The following CEPT1 variants were observed in gnomAD, a reference collection of about 807,000 sequenced individuals.
CEPT1 encodes choline/ethanolaminephosphotransferase 1.
CEPT1 carries 7 observed loss-of-function variants against 42.6 expected under a neutral mutation model. That is an observed-to-expected ratio of 0.16 (90% CI 0.09 to 0.31). The LOEUF (loss-of-function observed/expected upper bound fraction) is 0.31, where lower values mean the gene tolerates loss of function less well. CEPT1 is among the 10% of genes least tolerant of loss of function. The probability of loss-of-function intolerance (pLI) is 1.00; values close to 1 mark genes in which losing one functional copy is unlikely to be tolerated. For synonymous variants in CEPT1, 171 were observed against 171.9 expected (o/e 0.99, Z 0.04); for missense variants, 306 against 502.1 (o/e 0.61, Z 3.73).
At chr1:111,155,689 C>T (rs1310047492) in intron 2 of CEPT1, among the ~76,000 whole-genome samples, 1 of 152,080 alleles carries the variant, frequency 6.6e-6, no homozygotes, top group East Asian at 1.9e-4. Context: ...CAGGCATGCG[C>T]CACCACACCC....
chr1:111,177,836 A>G (rs1656761921), intron 5 of CEPT1, among the ~76,000 whole-genome samples: 1 of 146,050 alleles, frequency 6.8e-6, no homozygotes, highest in Admixed American at 7.5e-5. Context: ...TTGCAACGGG[A>G]AAACAGATTC....
chr1:111,145,809 C>T (rs1463284060), intron 1 of CEPT1, among the ~76,000 whole-genome samples: 5 of 152,264 alleles, frequency 3.3e-5, no homozygotes, highest in East Asian at 3.8e-4. Flanking sequence ...CCTGGCTTCA[C>T]TGCATTCCAG....
intron 4 of CEPT1, among the ~76,000 whole-genome samples, chr1:111,162,058 C>G (rs1355975076): frequency 6.6e-6 from 1 of 152,142 alleles, no homozygotes; most frequent in Non-Finnish European, 1.5e-5. Context: ...TGATAAGATG[C>G]CTGCCTGTAG....
At chr1:111,184,120 C>T in intron 8 of CEPT1, 71 bp from the exon 9 acceptor site, 1 of 1,503,818 alleles carries the variant, frequency 6.6e-7, no homozygotes, top group Non-Finnish European at 9.1e-7. Context: ...GAACAGAGTC[C>T]AGTCCTCTTT....
chr1:111,159,190 C>T (rs1655743265), intron 2 of CEPT1, among the ~76,000 whole-genome samples, 190 bp from the exon 3 acceptor site: 1 of 150,034 alleles, frequency 6.7e-6, no homozygotes, highest in Non-Finnish European at 1.5e-5. Context: ...GCTGGGATTA[C>T]AGGCGTGAGC....
chr1:111,172,822 C>T (rs748192224), intron 4 of CEPT1, among the ~76,000 whole-genome samples: 27 of 152,182 alleles, frequency 1.8e-4, no homozygotes, highest in Non-Finnish European at 3.2e-4. Flanking sequence ...AAAAAATATT[C>T]TTAACTAACT....
intron 2 of CEPT1, among the ~76,000 whole-genome samples, chr1:111,154,022 G>C (rs1436146662): frequency 6.6e-6 from 1 of 151,844 alleles, no homozygotes; most frequent in Non-Finnish European, 1.5e-5. Flanking sequence ...GGATTGCATT[G>C]AATCTGTAGA....
intron 5 of CEPT1, among the ~76,000 whole-genome samples, chr1:111,176,680 A>G (rs1349452689): frequency 6.6e-6 from 1 of 152,196 alleles, no homozygotes; most frequent in Non-Finnish European, 1.5e-5. Flanking sequence ...TGGTATCTTG[A>G]GATACCAAGT....
intron 2 of CEPT1, among the ~76,000 whole-genome samples, chr1:111,152,668 G>C (rs1225636118): frequency 6.6e-6 from 1 of 152,182 alleles, no homozygotes; most frequent in Non-Finnish European, 1.5e-5. Flanking sequence ...TTTTGGGGGA[G>C]ATTGCATGAT....
intron 4 of CEPT1, among the ~76,000 whole-genome samples, chr1:111,171,841 T>G (rs1216487429): frequency 6.6e-6 from 1 of 152,162 alleles, no homozygotes; most frequent in Non-Finnish European, 1.5e-5. Context: ...CTGGTTCAAG[T>G]GATTCTCCCG....
intron 3 of CEPT1, 196 bp from the exon 4 acceptor site, chr1:111,160,953 TAAAAAA>T: frequency 1.1e-5 from 5 of 455,024 alleles, no homozygotes; most frequent in East Asian, 4.0e-5. Context: ...AGTGATTTGG[TAAAAAA>T]AAAAAAAAAA....
At chr1:111,179,225 A>G (rs1004004462) in intron 5 of CEPT1, 12 of 152,140 alleles carry the variant, frequency 7.9e-5, no homozygotes, top group African/African-American at 2.4e-4. Context: ...TTCTTTTTCT[A>G]TGTCTAACCT....
At chr1:111,151,205 A>G (rs1220412259) in intron 2 of CEPT1, among the ~76,000 whole-genome samples, 2 of 151,040 alleles carry the variant, frequency 1.3e-5, no homozygotes, top group Admixed American at 6.6e-5. Context: ...GTTCACTGCA[A>G]CCTCCACCTC....
In CEPT1 at chr1:111,184,384, G is replaced by C. The variant is rs1384056253; in HGVS notation, c.*74G>C. On this transcript the variant is annotated 3_prime_UTR_variant, in exon 9 of 9. Coordinates refer to ENST00000357172, the MANE Select transcript of CEPT1 (RefSeq NM_006090.5). Reference sequence around the variant, plus strand: ...TAACATATTAAGGAGAATGGGGGTGGATAAGAACAAATATAATTTATAATA... The same window carrying C: ...TAACATATTAAGGAGAATGGGGGTGCATAAGAACAAATATAATTTATAATA... 1 of 1,160,312 alleles carries C rather than the reference G, an allele frequency of 8.6e-7. No homozygotes were observed. Among genetic ancestry groups the C allele is most frequent in the African/African-American group, 1.6e-5 (1 of 64,082 alleles). The allele number at this position is 1,160,312 out of a possible 1,614,324, so 71.9% of individuals were successfully genotyped here. A position where few individuals can be genotyped will look rare whatever the true frequency, so the allele number is the denominator to read the frequency against.
In CEPT1 at chr1:111,183,517, C is replaced by T. The variant is rs374219627; in HGVS notation, c.1061C>T (p.Pro354Leu). The T allele has an allele frequency of 3.7e-6, 6 of 1,613,522 alleles. No homozygotes were observed. Among genetic ancestry groups the T allele is most frequent in the Non-Finnish European group, 4.2e-6 (5 of 1,179,548 alleles). ...TTGCATGACACAGCATTCATAGGTC[C>T]GGCACTTTTGTTTCTGGACCAGTAT... ...MHLHDTAFIG[P>L]ALLFLDQYFN... is the part of the protein sequence containing the mutation. Residue 354 changes from proline (P) to leucine (L), a missense_variant, in exon 8 of 9, where the codon CCG (proline) becomes CTG (leucine). Physicochemically the swap from Pro to Leu is moderately conservative, Grantham distance 98. This residue lies in a region of CEPT1 where 253 missense variants were observed against 447.3 expected (regional missense o/e 0.57). Coordinates refer to ENST00000357172, the MANE Select transcript of CEPT1 (RefSeq NM_006090.5).
At chr1:111,155,731 T>G (rs560878130) in intron 2 of CEPT1, among the ~76,000 whole-genome samples, 2 of 152,040 alleles carry the variant, frequency 1.3e-5, no homozygotes, top group African/African-American at 4.8e-5. Flanking sequence ...AGAGATGGGG[T>G]TTCATCACGT....
chr1:111,140,740 G>A (rs1251332038), intron 1 of CEPT1: 1 of 152,312 alleles, frequency 6.6e-6, no homozygotes, highest in East Asian at 1.9e-4. Flanking sequence ...CACACACCGT[G>A]TGGCATCCTC....
intron 5 of CEPT1, among the ~76,000 whole-genome samples, chr1:111,175,997 A>C (rs1656659305): frequency 6.6e-6 from 1 of 152,228 alleles, no homozygotes; most frequent in South Asian, 2.1e-4. Flanking sequence ...TCCCTTACCT[A>C]ACTCACTTTA....
At chr1:111,173,934 T>C (rs2101373827) in intron 4 of CEPT1, among the ~76,000 whole-genome samples, 1 of 152,270 alleles carries the variant, frequency 6.6e-6, no homozygotes, top group Non-Finnish European at 1.5e-5. Context: ...ATAATTTATA[T>C]AACTATTCCC....
Sources: gnomAD v4.1 joint callset for allele counts (sites outside exome capture counted in the v4.1 genomes callset) on GRCh38, gnomAD v4.1.1 for gene constraint, gnomAD v4.1.1 regional missense constraint, MANE v1.5 for transcripts, NCBI Gene and HGNC (gene_info 2026-07-23, HGNC 2026-07-21) for gene names.